RHOJ: variants seen among roughly 807,000 people sequenced by gnomAD.
RHOJ encodes rho-related GTP-binding protein RhoJ.
Under a neutral mutation model 23.4 loss-of-function variants are expected in RHOJ, and 11 were observed. The observed-to-expected ratio is 0.47, with a 90% CI of 0.30 to 0.78. The LOEUF (loss-of-function observed/expected upper bound fraction) is 0.78, where lower values mean the gene tolerates loss of function less well. Ranked by LOEUF, RHOJ falls within the 30% of genes least tolerant of loss-of-function variation. The pLI is 0.08. For missense variants in RHOJ, 254 were observed against 273.4 expected (o/e 0.93, Z 0.50); for synonymous variants, 102 against 102.7 (o/e 0.99, Z 0.04).
At chr14:63,248,193 C>T (rs1340034974) in intron 1 of RHOJ, among the ~76,000 whole-genome samples, 5 of 152,124 alleles carry the variant, frequency 3.3e-5, no homozygotes, top group Non-Finnish European at 5.9e-5. Flanking sequence ...TGTATCAAAA[C>T]ATATACATAT....
At chr14:63,227,661 A>C (rs1894619671) in intron 1 of RHOJ, among the ~76,000 whole-genome samples, 1 of 152,366 alleles carries the variant, frequency 6.6e-6, no homozygotes, top group Middle Eastern at 3.4e-3. Context: ...CATCCAAAAC[A>C]GTACTTTATA....
chr14:63,258,608 C>T (rs1215190194), intron 1 of RHOJ, among the ~76,000 whole-genome samples: 7 of 152,138 alleles, frequency 4.6e-5, no homozygotes, highest in Admixed American at 4.6e-4. Context: ...CCCCAACAGC[C>T]CAAAGGAGAG....
chr14:63,207,379 T>A (rs1053835982), intron 1 of RHOJ, among the ~76,000 whole-genome samples: 3 of 152,152 alleles, frequency 2.0e-5, no homozygotes, highest in African/African-American at 7.2e-5. Flanking sequence ...CACAAAGACT[T>A]GAGTTCCTTT....
At chr14:63,209,932 A>G (rs1894196095) in intron 1 of RHOJ, among the ~76,000 whole-genome samples, 1 of 149,824 alleles carries the variant, frequency 6.7e-6, no homozygotes, top group Admixed American at 6.7e-5. Context: ...GTAATATAGC[A>G]TTGAATTTTC....
chr14:63,224,477 T>C (rs1894553693), intron 1 of RHOJ, among the ~76,000 whole-genome samples: 1 of 152,106 alleles, frequency 6.6e-6, no homozygotes, highest in Admixed American at 6.5e-5. Flanking sequence ...ACAGCCCACA[T>C]CCCTTAGCTG....
intron 1 of RHOJ, among the ~76,000 whole-genome samples, chr14:63,258,284 C>T (rs1238854814): frequency 6.6e-6 from 1 of 151,272 alleles, no homozygotes; most frequent in Admixed American, 6.6e-5. Flanking sequence ...CTTTCCTATC[C>T]TGGAGCCTTT....
intron 1 of RHOJ, among the ~76,000 whole-genome samples, chr14:63,229,897 C>T (rs1306032988): frequency 6.6e-6 from 1 of 152,162 alleles, no homozygotes; most frequent in Non-Finnish European, 1.5e-5. Flanking sequence ...CTATTTCCAC[C>T]ATACCGTGTT....
chr14:63,208,654 C>T (rs1457943718), intron 1 of RHOJ, among the ~76,000 whole-genome samples: 1 of 152,210 alleles, frequency 6.6e-6, no homozygotes, highest in Non-Finnish European at 1.5e-5. Context: ...GCCACCTCCC[C>T]TCTGTCTTCC....
At position 63,269,145 on chromosome 14, in the gene RHOJ, G is replaced by A. The variant is rs371394112; in HGVS notation, c.214G>A (p.Gly72Arg). Residue 72 changes from glycine (G) to arginine (R), a missense_variant, in exon 2 of 5, where the codon GGA becomes AGA. By Grantham distance (125) the Gly-to-Arg change is moderately radical. Transcript: ENST00000316754. ...VTVGGKQHLL[G>R]LYDTAGQEDY... Reference sequence around the variant, plus strand: ...TGTGGGAGGCAAGCAACACTTGCTCGGACTGTATGACACCGCGGGACAGGT... The same window carrying A: ...TGTGGGAGGCAAGCAACACTTGCTCAGACTGTATGACACCGCGGGACAGGT... 63 of 1,613,030 alleles carry A rather than the reference G, an allele frequency of 3.9e-5. No individual in the cohort carries two copies. The highest frequency in any genetic ancestry group is 3.9e-4 in the African/African-American group (29 of 74,858).
chr14:63,271,599 T>C (rs1198535941), intron 2 of RHOJ, among the ~76,000 whole-genome samples: 1 of 152,140 alleles, frequency 6.6e-6, no homozygotes, highest in Non-Finnish European at 1.5e-5. Context: ...TTTATTTTAT[T>C]TTTTATTTTT....
rs1413844651 is a variant in RHOJ at position 63,205,848 on chromosome 14, C to A, written c.178+801C>A. 3.3e-5 allele frequency among the ~76,000 whole-genome samples: 5 copies of A among 152,318 alleles called. No homozygotes were observed. The East Asian group carries it at 9.6e-4, about 29-fold the overall frequency. ...TCTGGGTGATAGCATTATCTAAATTCTTCCATTTTGATTCTTTCTTTTTCT... is the reference window on the plus strand; with the variant it reads ...TCTGGGTGATAGCATTATCTAAATTATTCCATTTTGATTCTTTCTTTTTCT... On this transcript the variant is annotated intron_variant, in intron 1 of 4. Transcript: ENST00000316754.
At chr14:63,279,930 T>C (rs1425636560) in intron 2 of RHOJ, among the ~76,000 whole-genome samples, 1 of 152,242 alleles carries the variant, frequency 6.6e-6, no homozygotes, top group East Asian at 1.9e-4. Flanking sequence ...AAATATAGTA[T>C]ATTCAATATA....
intron 1 of RHOJ, among the ~76,000 whole-genome samples, chr14:63,234,865 C>A (rs772684796): frequency 2.6e-5 from 4 of 152,196 alleles, no homozygotes; most frequent in Non-Finnish European, 5.9e-5. Flanking sequence ...AAGCCCCGAA[C>A]CAACATTCCA....
chr14:63,221,760 C>A (rs1420327423), intron 1 of RHOJ, among the ~76,000 whole-genome samples: 1 of 152,194 alleles, frequency 6.6e-6, no homozygotes, highest in Non-Finnish European at 1.5e-5. Context: ...GGATTCACTA[C>A]ATAATGGGCG....
chr14:63,235,208 CA>C (rs749310199), intron 1 of RHOJ, among the ~76,000 whole-genome samples: 118 of 129,252 alleles, frequency 9.1e-4, no homozygotes, highest in Non-Finnish European at 8.2e-4. Flanking sequence ...TCCTGGACTC[CA>C]AAAAAAAAAA....
At chr14:63,290,269 C>T (rs1882205461) in intron 4 of RHOJ, among the ~76,000 whole-genome samples, 1 of 152,110 alleles carries the variant, frequency 6.6e-6, no homozygotes, top group African/African-American at 2.4e-5. Flanking sequence ...TATGTTAAAA[C>T]TAAATAATAA....
At chr14:63,254,464 A>T (rs759033436) in intron 1 of RHOJ, among the ~76,000 whole-genome samples, 3 of 152,144 alleles carry the variant, frequency 2.0e-5, no homozygotes, top group Non-Finnish European at 4.4e-5. Context: ...TAAGCCATCC[A>T]TTCATTCAGC....
chr14:63,222,253 T>C, intron 1 of RHOJ, among the ~76,000 whole-genome samples: 1 of 152,120 alleles, frequency 6.6e-6, no homozygotes, highest in African/African-American at 2.4e-5. Context: ...GTTCCAAGTC[T>C]TTGCTATTGT....
intron 1 of RHOJ, among the ~76,000 whole-genome samples, chr14:63,237,086 T>A (rs117068536): frequency 2.6e-5 from 4 of 152,284 alleles, no homozygotes; most frequent in Non-Finnish European, 4.4e-5. Flanking sequence ...GTTGGTTGAA[T>A]CCATGGATGC....
Sources: gnomAD v4.1 joint callset for allele counts (sites outside exome capture counted in the v4.1 genomes callset) on GRCh38, gnomAD v4.1.1 for gene constraint, MANE v1.5 for transcripts, NCBI Gene and HGNC (gene_info 2026-07-23, HGNC 2026-07-21) for gene names.